Variants in FHOD3 observed in about 807,000 individuals in gnomAD.
FHOD3 encodes the protein formin homology 2 domain containing 3, also known as FH1/FH2 domain-containing protein 3.
A neutral mutation model predicts 173.0 loss-of-function variants in FHOD3; 90 were observed. The observed-to-expected ratio is 0.52, with a 90% CI of 0.44 to 0.62. The LOEUF (loss-of-function observed/expected upper bound fraction) is 0.62, where lower values mean the gene tolerates loss of function less well. FHOD3 is among the 20% of genes least tolerant of loss of function. The pLI, the probability that FHOD3 is intolerant of heterozygous loss-of-function variation, is 0.00. For missense variants in FHOD3, 1,945 were observed against 2,034.7 expected, an observed-to-expected ratio of 0.96 and a Z score of 0.85; for synonymous variants, 828 against 823.0, an observed-to-expected ratio of 1.01 and a Z score of -0.10.
chr18:36,495,921 C>G lies in FHOD3; in HGVS notation c.338-6011C>G, dbSNP rs375029070. Among the ~76,000 whole-genome samples, 14 of 152,314 alleles carry G rather than the reference C, an allele frequency of 9.2e-5. No homozygotes were observed. In the East Asian group the frequency reaches 2.7e-3, roughly 29 times the overall value. On this transcript the variant is annotated intron_variant, in intron 3 of 28. Transcript: ENST00000590592. ...CTGAAAATACCTGAATCTACATAGA[C>G]AGGCTGCTTCTAAAGAAGGGGTGAT...
intron 24 of FHOD3, among the ~76,000 whole-genome samples, chr18:36,751,905 T>C (rs2042417665): frequency 6.6e-6 from 1 of 152,166 alleles, no homozygotes; most frequent in Non-Finnish European, 1.5e-5. Context: ...AAAGCTGTTA[T>C]TAGTCGATTC....
intron 17 of FHOD3, among the ~76,000 whole-genome samples, chr18:36,695,549 G>T (rs1038083523): frequency 2.0e-5 from 3 of 152,156 alleles, no homozygotes; most frequent in African/African-American, 7.2e-5. Context: ...CTGGAAAAAA[G>T]TCAAAAGTAC....
At chr18:36,716,202 G>A (rs1028464329) in intron 18 of FHOD3, among the ~76,000 whole-genome samples, 1 of 151,908 alleles carries the variant, frequency 6.6e-6, no homozygotes, top group Non-Finnish European at 1.5e-5. Flanking sequence ...ATGACTAGAA[G>A]CAGAGAGTCC....
chr18:36,344,003 C>G, intron 1 of FHOD3, among the ~76,000 whole-genome samples: 1 of 152,102 alleles, frequency 6.6e-6, no homozygotes, highest in South Asian at 2.1e-4. Context: ...CTGAAATTCA[C>G]TGTGGTGATG....
At chr18:36,545,876 C>G (rs192512619) in intron 5 of FHOD3, among the ~76,000 whole-genome samples, 1 of 152,100 alleles carries the variant, frequency 6.6e-6, no homozygotes, top group Non-Finnish European at 1.5e-5. Context: ...TATAAAAATT[C>G]TTTTTAAAAA....
rs1477660046 is a variant in FHOD3 at position 36,699,475 on chromosome 18, T to C, written c.2236+6052T>C. On this transcript the variant is annotated intron_variant, in intron 17 of 28. Coordinates refer to ENST00000590592, the MANE Select transcript of FHOD3 (RefSeq NM_001281740.3). ...GTGCTTTCAGGTGCAGTCAGGAGGC[T>C]CCACATGTCAGGACAATGAGGGTTC... Among the ~76,000 whole-genome samples, 3 of 152,144 alleles carry C rather than the reference T, an allele frequency of 2.0e-5. 1 individual carries two copies. The highest frequency in any genetic ancestry group is 7.2e-5 in the African/African-American group (3 of 41,426).
intron 5 of FHOD3, among the ~76,000 whole-genome samples, chr18:36,526,287 C>G (rs78861247): frequency 7.2e-6 from 1 of 138,806 alleles, no homozygotes; most frequent in African/African-American, 2.7e-5. Flanking sequence ...TTCTTTTTTT[C>G]CCCCCTCAAT....
intron 1 of FHOD3, among the ~76,000 whole-genome samples, chr18:36,311,392 G>A (rs115047815): frequency 0.013 from 1,919 of 152,250 alleles, 30 homozygotes; most frequent in African/African-American, 0.043. Context: ...CTGGTCCACA[G>A]AGTAACACAA....
At chr18:36,603,142 T>G (rs2031619382) in intron 8 of FHOD3, among the ~76,000 whole-genome samples, 1 of 152,194 alleles carries the variant, frequency 6.6e-6, no homozygotes, top group Non-Finnish European at 1.5e-5. Context: ...TTCTAGTCTT[T>G]CAAACTGAGA....
intron 5 of FHOD3, among the ~76,000 whole-genome samples, chr18:36,559,315 C>T (rs1406855367): frequency 6.6e-6 from 1 of 152,186 alleles, no homozygotes; most frequent in Non-Finnish European, 1.5e-5. Flanking sequence ...TCTGCGGCTG[C>T]TTCTCTTGGC....
intron 10 of FHOD3, among the ~76,000 whole-genome samples, chr18:36,626,879 A>G (rs1234094751): frequency 2.6e-5 from 4 of 152,308 alleles, no homozygotes; most frequent in African/African-American, 7.2e-5. Context: ...TACCCATGGA[A>G]TCATTTGAGC....
intron 1 of FHOD3, among the ~76,000 whole-genome samples, chr18:36,307,770 T>C (rs1194441903): frequency 1.3e-5 from 2 of 152,196 alleles, no homozygotes; most frequent in Admixed American, 1.3e-4. Context: ...TTCTCCCTTA[T>C]ACAACAAAGC....
Position 36,625,582 on chromosome 18 carries a change from G to A in FHOD3, c.1029G>A (p.Arg343=). 2 of 1,563,690 alleles carry A rather than the reference G, an allele frequency of 1.3e-6. No homozygotes were observed. The highest frequency in any genetic ancestry group is 1.7e-6 in the Non-Finnish European group (2 of 1,148,074). ...CCAGTGGGTGCCGGGACCGGAGGAG[G>A]GCCAGCGTGTGTTCCAGTGGCGGAG... ...PPPSGCRDRR[R]ASVCSSGGGE... The change falls in exon 10 of 29, where the codon AGG becomes AGA. Residue 343 remains arginine, a synonymous_variant. Coordinates refer to ENST00000590592, the MANE Select transcript of FHOD3 (RefSeq NM_001281740.3).
At position 36,759,104 on chromosome 18, in the gene FHOD3, G is replaced by GTCCTC; in HGVS notation, c.4426-11_4426-7dup. 6.5e-7 allele frequency: 1 copy of GTCCTC among 1,535,868 alleles called. No individual in the cohort carries two copies. Among genetic ancestry groups the GTCCTC allele is most frequent in the Non-Finnish European group, 8.7e-7 (1 of 1,146,684 alleles). On this transcript the variant is annotated splice_polypyrimidine_tract_variant and intron_variant, in intron 25 of 28. Coordinates refer to ENST00000590592, the MANE Select transcript of FHOD3 (RefSeq NM_001281740.3). Reference sequence around the variant, plus strand: ...TGTCTTTTCCGTCCTGTCCTGTCCTGTCCTCTCGGGTAGACTGATGAGGAG... The same window carrying GTCCTC: ...TGTCTTTTCCGTCCTGTCCTGTCCTGTCCTCTCCTCTCGGGTAGACTGATGAGGAG...
At chr18:36,322,620 C>G (rs590440) in intron 1 of FHOD3, among the ~76,000 whole-genome samples, 89,992 of 151,872 alleles carry the variant, frequency 0.59, 27,711 homozygotes, top group Non-Finnish European at 0.69. Context: ...ATTCCTTCTG[C>G]TGCTGCTCAT....
At chr18:36,494,428 A>C (rs1390847575) in intron 3 of FHOD3, among the ~76,000 whole-genome samples, 2 of 152,212 alleles carry the variant, frequency 1.3e-5, no homozygotes, top group African/African-American at 4.8e-5. Context: ...TTCTGATTAC[A>C]CCTTCTTGTG....
chr18:36,458,337 C>T (rs1474591906), intron 3 of FHOD3, among the ~76,000 whole-genome samples: 1 of 152,120 alleles, frequency 6.6e-6, no homozygotes, highest in Non-Finnish European at 1.5e-5. Flanking sequence ...TGATGTCTCC[C>T]TTGCCCCCTT....
intron 1 of FHOD3, among the ~76,000 whole-genome samples, chr18:36,340,723 G>A (rs547507640): frequency 2.0e-5 from 3 of 151,086 alleles, no homozygotes; most frequent in Non-Finnish European, 2.9e-5. Context: ...TGCAAGCTCC[G>A]CCTTCCGGGT....
At chr18:36,531,106 A>C (rs1313829229) in intron 5 of FHOD3, among the ~76,000 whole-genome samples, 1 of 152,204 alleles carries the variant, frequency 6.6e-6, no homozygotes, top group African/African-American at 2.4e-5. Flanking sequence ...CATTTTGCAC[A>C]TAGGGAAATT....
Sources: allele counts gnomAD v4.1 joint callset (sites outside exome capture counted in the v4.1 genomes callset), GRCh38; gene constraint gnomAD v4.1.1; transcripts MANE v1.5; gene names NCBI Gene and HGNC (gene_info 2026-07-23, HGNC 2026-07-21).